The following USP12 variants were observed in gnomAD, a reference collection of about 807,000 sequenced individuals.
USP12 encodes ubiquitin carboxyl-terminal hydrolase 12.
In USP12, 19 loss-of-function variants were observed where a neutral mutation model predicts 45.5. The observed-to-expected ratio is 0.42, with a 90% CI of 0.29 to 0.61. The LOEUF is 0.61. Among genes scored for constraint, USP12 ranks in the 20% least tolerant of loss-of-function variants. The pLI is 0.22. For synonymous variants in USP12, 149 were observed against 148.8 expected, an observed-to-expected ratio of 1.00 and a Z score of -0.01; for missense variants, 242 against 447.7, an observed-to-expected ratio of 0.54 and a Z score of 4.15.
chr13:27,140,272 T>C (rs934161059), intron 1 of USP12, among the ~76,000 whole-genome samples: 1 of 152,178 alleles, frequency 6.6e-6, no homozygotes, highest in African/African-American at 2.4e-5. Context: ...ACTGATGACG[T>C]TCTATTTCTT....
chr13:27,077,907 T>C (rs992159782), intron 6 of USP12: 11 of 149,048 alleles, frequency 7.4e-5, no homozygotes, highest in African/African-American at 2.7e-4. Flanking sequence ...GTCATTGTTT[T>C]AAAAAAAAAA....
At chr13:27,083,604 A>G (rs554239228) in intron 6 of USP12, among the ~76,000 whole-genome samples, 11 of 152,266 alleles carry the variant, frequency 7.2e-5, no homozygotes, top group Admixed American at 2.0e-4. Flanking sequence ...CATTTCCCAC[A>G]CTGCTATCTT....
intron 1 of USP12, chr13:27,169,031 A>C (rs1418503549): frequency 1.3e-5 from 2 of 152,252 alleles, no homozygotes; most frequent in Non-Finnish European, 2.9e-5. Context: ...TTCACCCGGC[A>C]TACCAGGAGG....
intron 1 of USP12, among the ~76,000 whole-genome samples, chr13:27,147,936 T>C (rs934829739): frequency 2.6e-5 from 4 of 151,830 alleles, no homozygotes; most frequent in Non-Finnish European, 4.4e-5. Context: ...AAGACCAACT[T>C]AGGCAACACA....
At chr13:27,080,814 T>G (rs1873717925) in intron 6 of USP12, among the ~76,000 whole-genome samples, 1 of 152,180 alleles carries the variant, frequency 6.6e-6, no homozygotes, top group African/African-American at 2.4e-5. Context: ...TATACTATAC[T>G]GTAGTGTATT....
At chr13:27,159,352 T>A (rs1877996640) in intron 1 of USP12, among the ~76,000 whole-genome samples, 1 of 152,314 alleles carries the variant, frequency 6.6e-6, no homozygotes, top group African/African-American at 2.4e-5. Context: ...TATTTCAAAG[T>A]CCATATTAAA....
chr13:27,080,939 T>C (rs9319340), intron 6 of USP12, among the ~76,000 whole-genome samples: 104,720 of 151,618 alleles, frequency 0.69, 38,402 homozygotes, highest in Non-Finnish European at 0.83. Context: ...TGGTGGAGGG[T>C]CTTGCCTCAA....
rs576185845 is a variant in USP12 at position 27,082,623 on chromosome 13, A to G, written c.735-7235T>C. Among the ~76,000 whole-genome samples, 16 of 152,364 alleles carry G rather than the reference A, an allele frequency of 1.1e-4. No homozygotes were observed. In the South Asian group the frequency reaches 3.3e-3, roughly 32 times the overall value. On this transcript the variant is annotated intron_variant, in intron 6 of 8. Transcript: ENST00000282344. ...CCTATCTTGGCTTTCAACGTGCCCT[A>G]TTCATTAAGCTTAATCATTTCTAGC...
rs116940052 is a variant in USP12 at position 27,095,715 on chromosome 13, T to C, written c.459A>G (p.Leu153=). ...TTTCATTATCAATATTACCATTAGGTAAACGACCATTTTGTTTTTCCTGCT... is the reference window on the plus strand; with the variant it reads ...TTTCATTATCAATATTACCATTAGGCAAACGACCATTTTGTTTTTCCTGCT... ...ERKQEKQNGR[L]PNGNIDNENN... The change falls in exon 4 of 9, where the codon TTA becomes TTG. Residue 153 remains leucine (L), a synonymous_variant. Coordinates refer to ENST00000282344, the MANE Select transcript of USP12 (RefSeq NM_182488.4). 18,720 of 1,613,364 alleles carry C rather than the reference T, an allele frequency of 0.012. 138 individuals are homozygous for C. The highest frequency in any genetic ancestry group is 0.014 in the Non-Finnish European group (16,438 of 1,179,572).
At chr13:27,096,519 T>C (rs890102451) in intron 3 of USP12, among the ~76,000 whole-genome samples, 1 of 152,250 alleles carries the variant, frequency 6.6e-6, no homozygotes, top group Non-Finnish European at 1.5e-5. Context: ...TACCCTGTGC[T>C]TGGCAATATA....
intron 3 of USP12, among the ~76,000 whole-genome samples, chr13:27,102,011 T>G (rs9512547): frequency 0.72 from 109,915 of 151,828 alleles, 43,867 homozygotes; most frequent in East Asian, 0.95. Context: ...TCCCATTTTT[T>G]AATGAATGAA....
chr13:27,158,362 T>C (rs7981803), intron 1 of USP12, among the ~76,000 whole-genome samples: 71,724 of 152,046 alleles, frequency 0.47, 18,203 homozygotes, highest in East Asian at 0.77. Context: ...CCTGTCGACA[T>C]CCTGATTCTG....
chr13:27,152,929 G>A (rs1443794605), intron 1 of USP12, among the ~76,000 whole-genome samples: 13 of 132,514 alleles, frequency 9.8e-5, no homozygotes, highest in Admixed American at 2.4e-4. Flanking sequence ...GTGACAGAGC[G>A]AGACTCCGTC....
In USP12 at chr13:27,067,906, T is replaced by C. The variant is rs1565978678; in HGVS notation, c.*1377A>G. 2.0e-5 allele frequency: 3 copies of C among 152,232 alleles called. No individual in the cohort carries two copies. The highest frequency in any genetic ancestry group is 6.5e-5 in the Admixed American group (1 of 15,286). The allele number at this position is 152,232 out of a possible 1,614,324, so 9.4% of individuals were successfully genotyped here. On this transcript the variant is annotated 3_prime_UTR_variant, in exon 9 of 9. Transcript: ENST00000282344. ...TCCAAAAAAACTGCAATCGTTTACA[T>C]ATATTTTATGTTACATATATTACTT... is the stretch of plus-strand genomic sequence containing the variant.
In USP12 at chr13:27,129,360, T is replaced by C. The variant is rs1876388443; in HGVS notation, c.49-12764A>G. On this transcript the variant is annotated intron_variant, in intron 1 of 8. Coordinates refer to ENST00000282344, the MANE Select transcript of USP12 (RefSeq NM_182488.4). This position sits in a 1 kb window ranked among gnomAD's most constrained non-coding sequence, Gnocchi z 4.0. ...GGAAGAACTGAAAACAACTTTTAAG[T>C]TCTGCAAAAATAAAAACCATTCTTA... Among the ~76,000 whole-genome samples the C allele has an allele frequency of 1.3e-5, 2 of 152,220 alleles. No homozygotes were observed. Among genetic ancestry groups the C allele is most frequent in the African/African-American group, 4.8e-5 (2 of 41,448 alleles).
chr13:27,106,848 C>T (rs1018709587), intron 2 of USP12, among the ~76,000 whole-genome samples: 17 of 151,880 alleles, frequency 1.1e-4, no homozygotes, highest in African/African-American at 3.4e-4. Flanking sequence ...TACCCCCTAT[C>T]TTTTCTAAAA....
chr13:27,068,721 T>G lies in USP12; in HGVS notation c.*562A>C, dbSNP rs1292427212. ...CATATACTGTATATTATTATAAGCT[T>G]CTTCAGAGAAGCAAAACATCTTTGT... On this transcript the variant is annotated 3_prime_UTR_variant, in exon 9 of 9. Transcript: ENST00000282344. 6.5e-6 allele frequency: 1 copy of G among 153,994 alleles called. No individual in the cohort carries two copies. Among genetic ancestry groups the G allele is most frequent in the Non-Finnish European group, 1.4e-5 (1 of 69,404 alleles). The allele number at this position is 153,994 out of a possible 1,614,324, so 9.5% of individuals were successfully genotyped here.
chr13:27,170,473 C>G (rs1003415796), intron 1 of USP12: 8 of 395,854 alleles, frequency 2.0e-5, no homozygotes, highest in Non-Finnish European at 3.1e-5. Flanking sequence ...ACTAGGCCCA[C>G]GTTGCAAAGA....
intron 1 of USP12, among the ~76,000 whole-genome samples, chr13:27,158,627 A>G (rs781416584): frequency 3.3e-5 from 5 of 152,212 alleles, no homozygotes; most frequent in Admixed American, 6.5e-5. Context: ...CTGTAACACA[A>G]TGGTAAGTAT....
Sources: allele counts gnomAD v4.1 joint callset (sites outside exome capture counted in the v4.1 genomes callset), GRCh38; gene constraint gnomAD v4.1.1; non-coding constraint Gnocchi (gnomAD v3.1); transcripts MANE v1.5; gene names NCBI Gene and HGNC (gene_info 2026-07-23, HGNC 2026-07-21).